RICTOR: variants seen among roughly 807,000 people sequenced by gnomAD.
RICTOR encodes rapamycin-insensitive companion of mTOR.
Under a neutral mutation model 214.9 loss-of-function variants are expected in RICTOR, and 49 were observed. That is an observed-to-expected ratio of 0.23 (90% CI 0.18 to 0.29). The LOEUF (loss-of-function observed/expected upper bound fraction) is 0.29. Among genes scored for constraint, RICTOR ranks in the 10% least tolerant of loss-of-function variants. The pLI is 1.00. For synonymous variants in RICTOR, 717 were observed against 711.3 expected, an observed-to-expected ratio of 1.01 and a Z score of -0.13; for missense variants, 1,625 against 2,047.0, an observed-to-expected ratio of 0.79 and a Z score of 3.98.
rs553613656 is a variant in RICTOR at position 39,034,326 on chromosome 5, T to C, written c.98-13190A>G. Among the ~76,000 whole-genome samples, 7 of 152,304 alleles carry C rather than the reference T, an allele frequency of 4.6e-5. No homozygotes were observed. The South Asian group carries it at 1.4e-3, about 32-fold the overall frequency. ...AGAGCATCTATTAAAAGTTGTATAA[T>C]TTTGGGGGTGGAGCCAAGATGGCCG... On this transcript the variant is annotated intron_variant, in intron 2 of 37. Transcript: ENST00000357387.
intron 25 of RICTOR, 126 bp from the exon 26 acceptor site, chr5:38,955,830 C>T: frequency 1.6e-6 from 1 of 615,818 alleles, no homozygotes; most frequent in South Asian, 1.9e-5. Flanking sequence ...CTATCATATC[C>T]ATAAGCTTTT....
intron 3 of RICTOR, among the ~76,000 whole-genome samples, chr5:39,018,988 C>A (rs1755181443): frequency 6.6e-6 from 1 of 152,152 alleles, no homozygotes; most frequent in South Asian, 2.1e-4. Context: ...AGCCTTACTG[C>A]TGATAGAAAG....
intron 2 of RICTOR, among the ~76,000 whole-genome samples, chr5:39,037,485 A>C (rs1342880084): frequency 2.6e-5 from 4 of 152,000 alleles, no homozygotes; most frequent in Admixed American, 6.6e-5. Flanking sequence ...AACTGAAGGA[A>C]ATAGAGACAC....
chr5:39,057,820 C>T lies in RICTOR; in HGVS notation c.97+16291G>A, dbSNP rs74337197. On this transcript the variant is annotated intron_variant, in intron 2 of 37. Transcript: ENST00000357387. ...CCCAACTCACTGTTTTCCACACTTC[C>T]AAAGAGTGTATGTATAAAAATTTAA... 1.2e-3 allele frequency among the ~76,000 whole-genome samples: 187 copies of T among 152,090 alleles called. 3 individuals are homozygous for T. The highest frequency in any genetic ancestry group is 4.2e-3 in the African/African-American group (176 of 41,510).
At chr5:39,049,965 C>T (rs918981691) in intron 2 of RICTOR, among the ~76,000 whole-genome samples, 2 of 152,032 alleles carry the variant, frequency 1.3e-5, no homozygotes, top group African/African-American at 4.8e-5. Flanking sequence ...AAATGCAATA[C>T]TCAAAAACCC....
intron 2 of RICTOR, 100 bp from the exon 3 acceptor site, chr5:39,021,236 G>A: frequency 1.3e-6 from 1 of 740,798 alleles, no homozygotes; most frequent in Non-Finnish European, 2.5e-6. Flanking sequence ...TTTGGCTCTT[G>A]GTTTAAAGTC....
Position 38,975,596 on chromosome 5 carries a change from C to G in RICTOR, c.830G>C (p.Arg277Thr). ...DTAEGQLKED[R>T]EARFLASKMG... ...TTTACTGGCTAGAAATCGTGCTTCT[C>G]TGTCTTCTCTGTTGGGGGTGGGGAG... is the stretch of plus-strand genomic sequence containing the variant. Residue 277 changes from arginine (R) to threonine (T), a missense_variant, in exon 10 of 38, where the codon AGA becomes ACA. Transcript: ENST00000357387. 6.2e-7 allele frequency: 1 copy of G among 1,613,608 alleles called. No individual in the cohort carries two copies. The highest frequency in any genetic ancestry group is 8.5e-7 in the Non-Finnish European group (1 of 1,179,642).
chr5:39,034,780 C>T (rs561175660), intron 2 of RICTOR, among the ~76,000 whole-genome samples: 2 of 152,324 alleles, frequency 1.3e-5, no homozygotes, highest in Admixed American at 1.3e-4. Context: ...GGGCGCCCGC[C>T]ATTGCTGAGG....
chr5:39,020,702 T>C (rs747654179), intron 3 of RICTOR, among the ~76,000 whole-genome samples: 17 of 152,214 alleles, frequency 1.1e-4, no homozygotes, highest in Non-Finnish European at 1.5e-4. Flanking sequence ...AAACCCACAA[T>C]ATCTCCAATG....
intron 3 of RICTOR, among the ~76,000 whole-genome samples, chr5:39,006,771 A>AGGAGAGGAGG (rs1754099439): frequency 7.8e-5 from 2 of 25,706 alleles, no homozygotes; most frequent in Non-Finnish European, 1.3e-4. Context: ...AGGAGGGGAG[A>AGGAGAGGAGG]GGAGAGGAGG....
chr5:39,004,778 T>C (rs1753909679), intron 3 of RICTOR, among the ~76,000 whole-genome samples: 1 of 83,740 alleles, frequency 1.2e-5, no homozygotes. Context: ...CTCAGACTCT[T>C]TTTTTTTTTT....
intron 2 of RICTOR, among the ~76,000 whole-genome samples, chr5:39,050,359 C>T (rs1339363841): frequency 2.0e-5 from 3 of 151,578 alleles, no homozygotes; most frequent in East Asian, 1.9e-4. Flanking sequence ...TTTTTTGAGA[C>T]GGGGTCTCTC....
At chr5:38,963,571 C>A (rs1749971863) in intron 16 of RICTOR, among the ~76,000 whole-genome samples, 1 of 151,904 alleles carries the variant, frequency 6.6e-6, no homozygotes, top group Non-Finnish European at 1.5e-5. Flanking sequence ...ACAAGTGCCA[C>A]TTTCAAGAAT....
rs753751718 is a variant in RICTOR at position 38,959,312 on chromosome 5, A to T, written c.2061T>A (p.Asn687Lys). 6 of 1,537,492 alleles carry T rather than the reference A, an allele frequency of 3.9e-6. No individual in the cohort carries two copies. The South Asian group carries it at 7.4e-5, about 19-fold the overall frequency. ...GATCTTGGTTTTTCAAGGAGCAAAG[A>T]TTAAGGAGACTTAAAAGAAAAAAAA... The part of the protein sequence containing the change: ...EKCSVFQCLL[N>K]LCSLKNQDHL... Residue 687 changes from asparagine (N) to lysine (K), a missense_variant, in exon 22 of 38, where the codon AAT (asparagine) becomes AAA (lysine). This residue lies in a region of RICTOR where 1,214 missense variants were observed against 1,470.5 expected (regional missense o/e 0.83). Coordinates refer to ENST00000357387, the MANE Select transcript of RICTOR (RefSeq NM_152756.5).
intron 27 of RICTOR, among the ~76,000 whole-genome samples, chr5:38,954,514 T>C (rs968277413): frequency 3.3e-5 from 5 of 152,020 alleles, no homozygotes; most frequent in African/African-American, 7.2e-5. Flanking sequence ...CTTCATTGGA[T>C]TGCTTACTCT....
At position 38,941,862 on chromosome 5, in the gene RICTOR, C is replaced by T. The variant is rs1172498170; in HGVS notation, c.*442G>A. Reference sequence around the variant, plus strand: ...TGGTAATAGGATGCAGCCTTAGAGACACTGATTCCTGCTTTCCACAAGTTA... The same window carrying T: ...TGGTAATAGGATGCAGCCTTAGAGATACTGATTCCTGCTTTCCACAAGTTA... On this transcript the variant is annotated 3_prime_UTR_variant, in exon 38 of 38. Transcript: ENST00000357387. 1.6e-4 allele frequency: 37 copies of T among 233,526 alleles called. 1 individual carries two copies. In the Admixed American group the frequency reaches 1.9e-3, roughly 12 times the overall value. The allele number at this position is 233,526 out of a possible 1,614,324, so 14.5% of individuals were successfully genotyped here. A position where few individuals can be genotyped will look rare whatever the true frequency, so the allele number is the denominator to read the frequency against.
intron 35 of RICTOR, 103 bp from the exon 36 acceptor site, chr5:38,944,672 A>T: frequency 9.5e-7 from 1 of 1,054,334 alleles, no homozygotes. Flanking sequence ...CCTAGAGATC[A>T]ATTACACATG....
At chr5:39,036,489 G>A (rs985548786) in intron 2 of RICTOR, among the ~76,000 whole-genome samples, 1 of 152,080 alleles carries the variant, frequency 6.6e-6, no homozygotes, top group African/African-American at 2.4e-5. Flanking sequence ...ATGTAAATAG[G>A]CTAAATGCTC....
chr5:39,062,823 C>T (rs530139785), intron 2 of RICTOR, among the ~76,000 whole-genome samples: 7 of 152,168 alleles, frequency 4.6e-5, no homozygotes, highest in Admixed American at 3.3e-4. Context: ...TATAATAGAG[C>T]AATAATTTCC....
Sources: gnomAD v4.1 joint callset for allele counts (sites outside exome capture counted in the v4.1 genomes callset) on GRCh38, gnomAD v4.1.1 for gene constraint, gnomAD v4.1.1 regional missense constraint, MANE v1.5 for transcripts, NCBI Gene and HGNC (gene_info 2026-07-23, HGNC 2026-07-21) for gene names.